Variants in PACRG observed in about 807,000 individuals in gnomAD.
PACRG encodes parkin coregulated.
Under a neutral mutation model 29.7 loss-of-function variants are expected in PACRG, and 29 were observed. The ratio of observed to expected loss-of-function variants is 0.98; its 90% CI spans 0.73 to 1.33. The LOEUF is 1.33. PACRG is among the 40% of genes most tolerant of loss of function. The pLI is 0.00. For synonymous variants in PACRG, 116 were observed against 118.7 expected (o/e 0.98, Z 0.15); for missense variants, 279 against 316.2 (o/e 0.88, Z 0.89).
In PACRG at chr6:163,313,432, C is replaced by T. The variant is rs560276025; in HGVS notation, c.614-1395C>T. Among the ~76,000 whole-genome samples, 118 of 152,116 alleles carry T rather than the reference C, an allele frequency of 7.8e-4. 1 individual carries two copies. The highest frequency in any genetic ancestry group is 1.1e-3 in the Admixed American group (17 of 15,260). ...ACAGTGATATTTCTCTAATAAGTTT[C>T]TGGAAAAATCAAGCAAAAGAACTGC... On this transcript the variant is annotated intron_variant, in intron 4 of 4. Transcript: ENST00000366888.
At chr6:162,911,315 A>G (rs1796285251) in intron 2 of PACRG, among the ~76,000 whole-genome samples, 1 of 152,178 alleles carries the variant, frequency 6.6e-6, no homozygotes, top group Non-Finnish European at 1.5e-5. Context: ...AAGTGTTTTG[A>G]AAGTACAAGT....
At chr6:162,906,203 A>G (rs1306277950) in intron 2 of PACRG, among the ~76,000 whole-genome samples, 4 of 152,248 alleles carry the variant, frequency 2.6e-5, no homozygotes, top group Non-Finnish European at 2.9e-5. Flanking sequence ...ATTACTTTGT[A>G]TAAGTCTACC....
Position 163,166,339 on chromosome 6 carries a change from T to G in PACRG, c.613+76931T>G, listed in dbSNP as rs765753226. The G allele has an allele frequency of 4.5e-4, 177 of 397,014 alleles. 1 individual carries two copies. Among genetic ancestry groups the G allele is most frequent in the Middle Eastern group, 1.4e-3 (4 of 2,824 alleles). 24.6% of individuals were successfully genotyped at this position (397,014 alleles called of 1,614,324 possible). On this transcript the variant is annotated intron_variant, in intron 4 of 4. Coordinates refer to ENST00000366888, the MANE Select transcript of PACRG (RefSeq NM_001080379.2). ...CAACAGCAGTGAAAGAATTATTTTG[T>G]TAATTGGTATATTGATACCCCAAGA...
rs149140012 is a variant in PACRG at position 163,103,684 on chromosome 6, T to C, written c.613+14276T>C. 1.1e-3 allele frequency among the ~76,000 whole-genome samples: 161 copies of C among 152,332 alleles called. 1 individual carries two copies. The highest frequency in any genetic ancestry group is 3.5e-3 in the African/African-American group (146 of 41,576). On this transcript the variant is annotated intron_variant, in intron 4 of 4. Coordinates refer to ENST00000366888, the MANE Select transcript of PACRG (RefSeq NM_001080379.2). Reference sequence around the variant, plus strand: ...AAATATTGGAGGAACATCTGTAGAATTGAGGTTTTGGAATGAAGTCATCAA... The same window carrying C: ...AAATATTGGAGGAACATCTGTAGAACTGAGGTTTTGGAATGAAGTCATCAA...
chr6:163,146,172 A>G (rs1777796412), intron 4 of PACRG, among the ~76,000 whole-genome samples: 2 of 152,154 alleles, frequency 1.3e-5, no homozygotes, highest in Admixed American at 1.3e-4. Flanking sequence ...ATCTTTGTGC[A>G]TGACACACAT....
At chr6:163,276,471 G>A (rs1784031720) in intron 4 of PACRG, among the ~76,000 whole-genome samples, 1 of 152,180 alleles carries the variant, frequency 6.6e-6, no homozygotes, top group African/African-American at 2.4e-5. Context: ...AGGGTAGAGA[G>A]GATGAGGGAC....
chr6:162,959,325 G>C (rs1800413405), intron 2 of PACRG, among the ~76,000 whole-genome samples: 1 of 152,078 alleles, frequency 6.6e-6, no homozygotes, highest in Non-Finnish European at 1.5e-5. Flanking sequence ...TGTATAACTA[G>C]AGGGGTCAGG....
At chr6:163,210,961 T>C (rs1781112275) in intron 4 of PACRG, among the ~76,000 whole-genome samples, 1 of 152,224 alleles carries the variant, frequency 6.6e-6, no homozygotes, top group Non-Finnish European at 1.5e-5. Context: ...TGTCTTAAAA[T>C]GGAAAAATGT....
At chr6:163,151,367 A>G (rs201830803) in intron 4 of PACRG, among the ~76,000 whole-genome samples, 1 of 152,038 alleles carries the variant, frequency 6.6e-6, no homozygotes, top group East Asian at 1.9e-4. Flanking sequence ...GTAGACTGGA[A>G]TGCCTCCCCC....
At chr6:163,052,293 C>T (rs529106) in intron 2 of PACRG, among the ~76,000 whole-genome samples, 58,131 of 151,964 alleles carry the variant, frequency 0.38, 11,713 homozygotes, top group East Asian at 0.68. Context: ...GATAATTATA[C>T]TTTTTCAGAT....
chr6:163,189,977 T>G (rs1316765018), intron 4 of PACRG: 1 of 152,230 alleles, frequency 6.6e-6, no homozygotes, highest in Non-Finnish European at 1.5e-5. Flanking sequence ...AGCAGTAACA[T>G]TCATTTATAT....
At chr6:162,995,030 G>A (rs906368012) in intron 2 of PACRG, among the ~76,000 whole-genome samples, 5 of 151,052 alleles carry the variant, frequency 3.3e-5, no homozygotes, top group African/African-American at 1.2e-4. Context: ...CCTGCTGGGG[G>A]GTGCCTCCCA....
In PACRG at chr6:162,947,359, A is replaced by AATCATAT. The variant is rs1799143963; in HGVS notation, c.292-114789_292-114788insCATATAT. 4.9e-4 allele frequency among the ~76,000 whole-genome samples: 18 copies of AATCATAT among 36,694 alleles called. 2 individuals are homozygous for AATCATAT. Among genetic ancestry groups the AATCATAT allele is most frequent in the South Asian group, 4.8e-3 (5 of 1,050 alleles). 24.1% of individuals were successfully genotyped at this position (36,694 alleles called of 152,430 possible). A position where few individuals can be genotyped will look rare whatever the true frequency, so the allele number is the denominator to read the frequency against. ...ATATATATAATGATTACATATATAT[A>AATCATAT]ATGTAATCATATATAATCATATATA... On this transcript the variant is annotated intron_variant, in intron 2 of 4. Transcript: ENST00000366888.
intron 4 of PACRG, among the ~76,000 whole-genome samples, chr6:163,201,458 G>A (rs955133509): frequency 2.0e-5 from 3 of 152,178 alleles, no homozygotes; most frequent in African/African-American, 7.2e-5. Flanking sequence ...AGCCTCCCTC[G>A]GCCCCTGGGG....
chr6:163,277,483 G>A (rs1362342250), intron 4 of PACRG, among the ~76,000 whole-genome samples: 2 of 142,164 alleles, frequency 1.4e-5, no homozygotes, highest in Non-Finnish European at 3.0e-5. Context: ...GTGTATGTGT[G>A]TATATATATA....
intron 4 of PACRG, among the ~76,000 whole-genome samples, chr6:163,128,981 A>G (rs1816624589): frequency 2.0e-5 from 3 of 152,222 alleles, no homozygotes; most frequent in Admixed American, 2.0e-4. Flanking sequence ...AATGTTAAGT[A>G]TAAGAGAATT....
intron 4 of PACRG, among the ~76,000 whole-genome samples, chr6:163,125,875 G>C (rs965976746): frequency 6.6e-6 from 1 of 152,184 alleles, no homozygotes; most frequent in Non-Finnish European, 1.5e-5. Flanking sequence ...TGAATTTTCT[G>C]AAATAGTAAA....
intron 4 of PACRG, among the ~76,000 whole-genome samples, chr6:163,292,935 G>A (rs7773495): frequency 2.0e-5 from 3 of 152,030 alleles, no homozygotes; most frequent in South Asian, 2.1e-4. Flanking sequence ...ATGAGCAGGC[G>A]ATCTCACAAA....
chr6:163,131,429 A>T (rs1032947294), intron 4 of PACRG, among the ~76,000 whole-genome samples: 2 of 152,094 alleles, frequency 1.3e-5, no homozygotes. Context: ...GGACGCAGAG[A>T]GGGGGCCGAT....
Sources: allele counts gnomAD v4.1 joint callset (sites outside exome capture counted in the v4.1 genomes callset), GRCh38; gene constraint gnomAD v4.1.1; transcripts MANE v1.5; gene names NCBI Gene and HGNC (gene_info 2026-07-23, HGNC 2026-07-21).